The following RPS19 variants were observed in gnomAD, a reference collection of about 807,000 sequenced individuals.
RPS19 encodes ribosomal protein S19, also known as small ribosomal subunit protein eS19.
RPS19 carries 1 observed loss-of-function variant against 20.3 expected under a neutral mutation model. The observed-to-expected ratio is 0.05, with a 90% CI of 0.02 to 0.23. The LOEUF is 0.23. RPS19 is among the 10% of genes least tolerant of loss of function. The pLI is 1.00. For missense variants in RPS19, 111 were observed against 192.7 expected, an observed-to-expected ratio of 0.58 and a Z score of 2.51; for synonymous variants, 87 against 74.8, an observed-to-expected ratio of 1.16 and a Z score of -0.84.
chr19:41,869,478 G>T (rs1434713901), intron 4 of RPS19: 3 of 613,698 alleles, frequency 4.9e-6, no homozygotes, highest in Non-Finnish European at 8.6e-6. Context: ...GATTTTTCGG[G>T]GCTTTTGATC....
rs782545650 is a variant in RPS19 at position 41,869,146 on chromosome 19, C to T, written c.288C>T (p.Ser96=). 6.2e-7 allele frequency: 1 copy of T among 1,613,826 alleles called. No homozygotes were observed. Among genetic ancestry groups the T allele is most frequent in the South Asian group, 1.1e-5 (1 of 91,084 alleles). Residue 96 remains serine, a synonymous_variant, in exon 4 of 6, where the codon TCC becomes TCT. Transcript: ENST00000598742. ...TGCCCAGCCACTTCAGCCGAGGCTC[C>T]AAGAGTGTGGCCCGCCGGGTCCTCC... The part of the protein sequence containing the change: ...GVMPSHFSRG[S]KSVARRVLQA...
chr19:41,861,136 A>G lies in RPS19; in HGVS notation c.96A>G (p.Glu32=). The change falls in exon 3 of 6, where the codon GAA becomes GAG. Residue 32 remains glutamate (E), a synonymous_variant. Coordinates refer to ENST00000598742, the MANE Select transcript of RPS19 (RefSeq NM_001022.4). ...LKKSGKLKVP[E]WVDTVKLAKH... The stretch of plus-strand genomic sequence containing the variant: ...GGTCCGGGAAGCTGAAAGTCCCCGA[A>G]TGGGTGGATACCGTCAAGCTGGCCA... The G allele has an allele frequency of 6.2e-7, 1 of 1,614,100 alleles. No individual in the cohort carries two copies. The highest frequency in any genetic ancestry group is 2.2e-5 in the East Asian group (1 of 44,882).
At chr19:41,862,653 A>T (rs79701497) in intron 3 of RPS19, among the ~76,000 whole-genome samples, 3,281 of 140,312 alleles carry the variant, frequency 0.023, 130 homozygotes, top group African/African-American at 0.086. Context: ...TTTTTTTTTT[A>T]ACATGGGGAG....
At chr19:41,868,870 G>A (rs1160828840) in intron 3 of RPS19, among the ~76,000 whole-genome samples, 161 bp from the exon 4 acceptor site, 3 of 152,048 alleles carry the variant, frequency 2.0e-5, no homozygotes, top group Non-Finnish European at 2.9e-5. Context: ...AGCTAGCCGG[G>A]GGGGTGGGTG....
At position 41,869,683 on chromosome 19, in the gene RPS19, C is replaced by G. The variant is rs781917249; in HGVS notation, c.357-16C>G. 2 of 1,613,680 alleles carry G rather than the reference C, an allele frequency of 1.2e-6. No homozygotes were observed. The highest frequency in any genetic ancestry group is 2.2e-5 in the South Asian group (2 of 91,070). On this transcript the variant is annotated splice_polypyrimidine_tract_variant and intron_variant, in intron 4 of 5. Transcript: ENST00000598742. ...CTGTGCTCACTGGGGCCTGCATGAC[C>G]CTTCCCTCCCCACAGCGGCCGCAAA...
chr19:41,869,832 G>C, intron 5 of RPS19, 79 bp downstream of exon 5: 2 of 1,474,354 alleles, frequency 1.4e-6, no homozygotes, highest in South Asian at 2.3e-5. Context: ...TTGTCAGGTA[G>C]ACTTATTTCC....
At chr19:41,863,266 A>G (rs564244195) in intron 3 of RPS19, among the ~76,000 whole-genome samples, 2 of 152,236 alleles carry the variant, frequency 1.3e-5, no homozygotes, top group African/African-American at 2.4e-5. Context: ...CAGCCTTCCA[A>G]AGCACTGGGA....
chr19:41,865,774 C>T (rs1269664382), intron 3 of RPS19, among the ~76,000 whole-genome samples: 9 of 149,622 alleles, frequency 6.0e-5, no homozygotes, highest in African/African-American at 1.7e-4. Flanking sequence ...TGGTGAAACC[C>T]CATGTCTACT....
intron 3 of RPS19, among the ~76,000 whole-genome samples, chr19:41,862,441 G>C (rs2074041732): frequency 2.0e-5 from 3 of 152,048 alleles, no homozygotes; most frequent in Non-Finnish European, 4.4e-5. Flanking sequence ...GACTTCCCTG[G>C]GCGCACAGCA....
In RPS19 at chr19:41,862,635, ATTT is replaced by A. The variant is rs35133385; in HGVS notation, c.172+1438_172+1440del. On this transcript the variant is annotated intron_variant, in intron 3 of 5. Coordinates refer to ENST00000598742, the MANE Select transcript of RPS19 (RefSeq NM_001022.4). Reference sequence around the variant, plus strand: ...AAGTAGGACTGTATGTGTCTTGTACATTTTTTTTTTTTTTTTTAACATGGGGAG... The same window carrying A: ...AAGTAGGACTGTATGTGTCTTGTACATTTTTTTTTTTTTTAACATGGGGAG... 4.4e-3 allele frequency among the ~76,000 whole-genome samples: 633 copies of A among 144,574 alleles called. 8 individuals carry two copies. Among genetic ancestry groups the A allele is most frequent in the African/African-American group, 0.015 (598 of 38,866 alleles). The allele number at this position is 144,574 out of a possible 152,430, so 94.8% of individuals were successfully genotyped here. A position where few individuals can be genotyped will look rare whatever the true frequency, so the allele number is the denominator to read the frequency against.
At position 41,872,683 on chromosome 19, in the gene RPS19, A is replaced by C. The variant is rs1445696809; in HGVS notation, c.*1306A>C. 6.6e-6 allele frequency: 1 copy of C among 152,242 alleles called. No homozygotes were observed. The allele number at this position is 152,242 out of a possible 1,614,324, so 9.4% of individuals were successfully genotyped here. On this transcript the variant is annotated 3_prime_UTR_variant, in exon 6 of 6. Transcript: ENST00000598742. ...GAGGCCGAGACGGGCTGATCACCTG[A>C]GGTTGGGAGCTTGAGAACAGCCTGA...
At chr19:41,865,173 C>T (rs559563123) in intron 3 of RPS19, among the ~76,000 whole-genome samples, 29 of 152,208 alleles carry the variant, frequency 1.9e-4, no homozygotes, top group Non-Finnish European at 3.5e-4. Flanking sequence ...TTGAGACCAT[C>T]CTGACCAATG....
chr19:41,860,753 C>T, intron 1 of RPS19, 22 bp from the exon 2 acceptor site: 2 of 1,596,998 alleles, frequency 1.3e-6, no homozygotes, highest in Non-Finnish European at 1.7e-6. Flanking sequence ...CCTGTGTTCA[C>T]ATGCTTGACT....
chr19:41,868,004 A>G (rs891529181), intron 3 of RPS19, among the ~76,000 whole-genome samples: 1 of 152,210 alleles, frequency 6.6e-6, no homozygotes, highest in Admixed American at 6.6e-5. Context: ...GTTTCTGGGC[A>G]GAAGCAGCCC....
Position 41,871,257 on chromosome 19 carries a change from G to A in RPS19, c.412-94G>A, listed in dbSNP as rs1453753271. 45 of 1,018,154 alleles carry A rather than the reference G, an allele frequency of 4.4e-5. No individual in the cohort carries two copies. In the East Asian group the frequency reaches 1.0e-3, roughly 23 times the overall value. 63.1% of individuals were successfully genotyped at this position (1,018,154 alleles called of 1,614,324 possible). On this transcript the variant is annotated intron_variant, in intron 5 of 5. Transcript: ENST00000598742. The stretch of plus-strand genomic sequence containing the variant: ...GATGCATTTGAAACCACAAATCGGG[G>A]TGCCCACCTGTGGTGGGTAGTTAGG...
intron 4 of RPS19, 131 bp from the exon 5 acceptor site, chr19:41,869,568 A>C: frequency 1.1e-6 from 1 of 932,514 alleles, no homozygotes; most frequent in African/African-American, 1.6e-5. Flanking sequence ...AATGCACCTG[A>C]CTAGGGCCCT....
intron 3 of RPS19, among the ~76,000 whole-genome samples, chr19:41,867,449 C>T (rs1014065323): frequency 6.6e-6 from 1 of 152,090 alleles, no homozygotes; most frequent in African/African-American, 2.4e-5. Flanking sequence ...GCTGGGGTTA[C>T]AGCGGGTGTG....
rs2074148979 is a variant in RPS19, at chr19:41,871,470, G to A, written c.*93G>A. 32 of 1,119,956 alleles carry A rather than the reference G, an allele frequency of 2.9e-5. No homozygotes were observed. Among genetic ancestry groups the A allele is most frequent in the Non-Finnish European group, 4.1e-5 (30 of 736,916 alleles). The allele number at this position is 1,119,956 out of a possible 1,614,324, so 69.4% of individuals were successfully genotyped here. A position where few individuals can be genotyped will look rare whatever the true frequency, so the allele number is the denominator to read the frequency against. The stretch of plus-strand genomic sequence containing the variant: ...CTTGCTCTGTCGCCCAGGCTGGAGT[G>A]CAGTGGCGCCATCTCAGCTCACTGC... On this transcript the variant is annotated 3_prime_UTR_variant, in exon 6 of 6. Transcript: ENST00000598742.
intron 3 of RPS19, among the ~76,000 whole-genome samples, chr19:41,862,791 ATCT>A (rs2074045722): frequency 6.6e-6 from 1 of 152,130 alleles, no homozygotes; most frequent in Non-Finnish European, 1.5e-5. Flanking sequence ...CAGGATGTGC[ATCT>A]TCTGCCTGCC....
Sources: allele counts gnomAD v4.1 joint callset (sites outside exome capture counted in the v4.1 genomes callset), GRCh38; gene constraint gnomAD v4.1.1; transcripts MANE v1.5; gene names NCBI Gene and HGNC (gene_info 2026-07-23, HGNC 2026-07-21).